Variants in COX7B2 observed in about 807,000 individuals in gnomAD.
COX7B2 encodes cytochrome c oxidase subunit 7B2.
For synonymous variants in COX7B2, 37 were observed against 32.1 expected, an observed-to-expected ratio of 1.15 and a Z score of -0.51; for missense variants, 109 against 95.9, an observed-to-expected ratio of 1.14 and a Z score of -0.57.
intron 2 of COX7B2, among the ~76,000 whole-genome samples, chr4:46,782,997 C>T (rs927109727): frequency 6.6e-6 from 1 of 152,214 alleles, no homozygotes; most frequent in Non-Finnish European, 1.5e-5. Context: ...CTATATTTGG[C>T]TTAATTCTTT....
chr4:46,805,935 T>C (rs1020831346), intron 2 of COX7B2, among the ~76,000 whole-genome samples: 2 of 152,178 alleles, frequency 1.3e-5, no homozygotes, highest in Non-Finnish European at 2.9e-5. Flanking sequence ...ATCCTTAAAA[T>C]CACCTGGGAT....
intron 1 of COX7B2, among the ~76,000 whole-genome samples, chr4:46,908,753 A>AAAAATC (rs1720559592): frequency 6.6e-6 from 1 of 151,576 alleles, no homozygotes; most frequent in Non-Finnish European, 1.5e-5. Context: ...AAAAAAAAAA[A>AAAAATC]AAATCTGGCC....
intron 2 of COX7B2, among the ~76,000 whole-genome samples, chr4:46,753,986 A>G (rs1270562915): frequency 1.3e-5 from 2 of 152,228 alleles, no homozygotes; most frequent in African/African-American, 4.8e-5. Context: ...TGGCCATCAG[A>G]GAAAGGCAAA....
chr4:46,735,320 C>T, intron 2 of COX7B2, 79 bp from the exon 3 acceptor site: 3 of 1,046,294 alleles, frequency 2.9e-6, no homozygotes, highest in Non-Finnish European at 4.3e-6. Context: ...GCTACATCAC[C>T]CCTTGGAGTG....
intron 2 of COX7B2, among the ~76,000 whole-genome samples, chr4:46,795,540 T>C (rs1355096479): frequency 1.4e-5 from 2 of 143,594 alleles, no homozygotes; most frequent in Admixed American, 1.4e-4. Flanking sequence ...GAGGGCTCTG[T>C]TCTGTTCCAT....
intron 2 of COX7B2, among the ~76,000 whole-genome samples, chr4:46,775,420 T>C (rs1280612427): frequency 1.3e-5 from 2 of 152,156 alleles, no homozygotes; most frequent in Non-Finnish European, 2.9e-5. Context: ...GAAAACAGAA[T>C]GCTCAGTTTT....
chr4:46,770,271 A>T (rs1716799108), intron 2 of COX7B2, among the ~76,000 whole-genome samples: 1 of 152,344 alleles, frequency 6.6e-6, no homozygotes, highest in Admixed American at 6.5e-5. Context: ...ATAAATACTT[A>T]GAAATAAATT....
intron 2 of COX7B2, among the ~76,000 whole-genome samples, chr4:46,792,436 A>G (rs1433017412): frequency 6.6e-6 from 1 of 152,148 alleles, no homozygotes; most frequent in Non-Finnish European, 1.5e-5. Context: ...CCATCGACCA[A>G]CCCACCCACT....
At chr4:46,836,731 G>A (rs1037673401) in intron 2 of COX7B2, among the ~76,000 whole-genome samples, 1 of 152,104 alleles carries the variant, frequency 6.6e-6, no homozygotes, top group Admixed American at 6.6e-5. Flanking sequence ...TGTTATGACT[G>A]ACAGTACAGT....
intron 2 of COX7B2, among the ~76,000 whole-genome samples, chr4:46,801,697 C>T (rs1032495974): frequency 6.6e-6 from 1 of 152,120 alleles, no homozygotes; most frequent in African/African-American, 2.4e-5. Context: ...CAAACTTGCA[C>T]ATGTATCCCC....
rs1718584754 is a variant in COX7B2, at chr4:46,800,284, G to C, written c.-50+44676C>G. Among the ~76,000 whole-genome samples, 2 of 151,986 alleles carry C rather than the reference G, an allele frequency of 1.3e-5. 1 individual carries two copies. Among genetic ancestry groups the C allele is most frequent in the South Asian group, 4.1e-4 (2 of 4,824 alleles). ...AAAAAACTACTCTAAAACTCATATG[G>C]AACCAAAAATGAGTCAGAACAGCCA... On this transcript the variant is annotated intron_variant, in intron 2 of 2. Coordinates refer to ENST00000355591, the MANE Select transcript of COX7B2 (RefSeq NM_130902.3).
chr4:46,851,913 G>T (rs1011633567), intron 1 of COX7B2, among the ~76,000 whole-genome samples: 1 of 152,076 alleles, frequency 6.6e-6, no homozygotes, highest in African/African-American at 2.4e-5. Flanking sequence ...TTGATGATTT[G>T]ATAAAGCTGG....
intron 1 of COX7B2, among the ~76,000 whole-genome samples, chr4:46,853,960 A>G (rs986159160): frequency 3.3e-5 from 5 of 152,152 alleles, no homozygotes; most frequent in African/African-American, 4.8e-5. Context: ...AAATAATTAA[A>G]TGTCTTACTT....
intron 2 of COX7B2, among the ~76,000 whole-genome samples, chr4:46,781,302 A>G (rs1475312876): frequency 6.6e-6 from 1 of 152,192 alleles, no homozygotes; most frequent in African/African-American, 2.4e-5. Context: ...ACGTGAGCAC[A>G]CTACCCAAAC....
At chr4:46,761,572 C>T (rs1320628610) in intron 2 of COX7B2, among the ~76,000 whole-genome samples, 5 of 152,052 alleles carry the variant, frequency 3.3e-5, no homozygotes, top group Admixed American at 6.6e-5. Flanking sequence ...AGATTTCAGG[C>T]TGAGAATGCA....
At chr4:46,756,680 A>G (rs910918535) in intron 2 of COX7B2, among the ~76,000 whole-genome samples, 5 of 152,186 alleles carry the variant, frequency 3.3e-5, no homozygotes, top group Non-Finnish European at 7.4e-5. Context: ...GCAGTCAACA[A>G]ACATATGAAA....
At chr4:46,844,630 A>C (rs1716144519) in intron 2 of COX7B2, among the ~76,000 whole-genome samples, 1 of 152,042 alleles carries the variant, frequency 6.6e-6, no homozygotes. Context: ...TTATCTTTTG[A>C]AAATGTTTGC....
chr4:46,853,799 G>T (rs1057071030), intron 1 of COX7B2, among the ~76,000 whole-genome samples: 1 of 152,018 alleles, frequency 6.6e-6, no homozygotes, highest in African/African-American at 2.4e-5. Context: ...ATTGTGATTA[G>T]TGCTATCTTT....
At chr4:46,763,699 C>T (rs963522407) in intron 2 of COX7B2, among the ~76,000 whole-genome samples, 1 of 152,040 alleles carries the variant, frequency 6.6e-6, no homozygotes, top group Non-Finnish European at 1.5e-5. Context: ...TATATGATTT[C>T]TTAAATGGAA....
Sources: allele counts gnomAD v4.1 joint callset (sites outside exome capture counted in the v4.1 genomes callset), GRCh38; gene constraint gnomAD v4.1.1; transcripts MANE v1.5; gene names NCBI Gene and HGNC (gene_info 2026-07-23, HGNC 2026-07-21).